The following TTI1 variants were observed in gnomAD, a reference collection of about 807,000 sequenced individuals.
The protein encoded by TTI1 is TELO2 interacting protein 1.
TTI1 carries 52 observed loss-of-function variants against 85.4 expected under a neutral mutation model. The observed-to-expected ratio is 0.61, with a 90% CI of 0.49 to 0.77. The LOEUF (loss-of-function observed/expected upper bound fraction) is 0.77, where lower values mean the gene tolerates loss of function less well. TTI1 is among the 30% of genes least tolerant of loss of function. TTI1 has a pLI of 0.00. For synonymous variants in TTI1, 512 were observed against 503.9 expected (o/e 1.02, Z -0.22); for missense variants, 1,173 against 1,296.0 (o/e 0.91, Z 1.46).
chr20:38,029,478 C>T (rs2122657219), intron 1 of TTI1, among the ~76,000 whole-genome samples: 1 of 151,858 alleles, frequency 6.6e-6, no homozygotes, highest in East Asian at 1.9e-4. Context: ...ACAGAAAACA[C>T]AGAAAGTCAA....
chr20:37,996,687 T>C, intron 6 of TTI1, 62 bp downstream of exon 6: 1 of 1,548,640 alleles, frequency 6.5e-7, no homozygotes, highest in African/African-American at 1.4e-5. Context: ...GCAGAGGGCA[T>C]GATGGCAGGG....
chr20:37,984,157 G>A (rs1600594335), intron 7 of TTI1, among the ~76,000 whole-genome samples: 1 of 152,198 alleles, frequency 6.6e-6, no homozygotes, highest in Non-Finnish European at 1.5e-5. Flanking sequence ...TGAGAGCCAT[G>A]GATACTTGGT....
At position 38,014,060 on chromosome 20, in the gene TTI1, C is replaced by T. The variant is rs549032104; in HGVS notation, c.-41-203G>A. Among the ~76,000 whole-genome samples the T allele has an allele frequency of 1.2e-4, 18 of 152,272 alleles. No homozygotes were observed. The South Asian group carries it at 3.7e-3, about 32-fold the overall frequency. ...CAATAAAGTCTCTTCAGGATTAGGA[C>T]AGGCCTAAGCTTACAGTCCTGAGTG... On this transcript the variant is annotated intron_variant, in intron 1 of 7. Transcript: ENST00000373447.
At chr20:37,996,306 C>G in intron 7 of TTI1, 69 bp downstream of exon 7, 1 of 1,545,560 alleles carries the variant, frequency 6.5e-7, no homozygotes, top group Non-Finnish European at 8.9e-7. Flanking sequence ...CTCAACTCTG[C>G]TTGCCATTAG....
At chr20:38,019,424 G>A (rs560232277) in intron 1 of TTI1, among the ~76,000 whole-genome samples, 17 of 152,218 alleles carry the variant, frequency 1.1e-4, no homozygotes, top group Non-Finnish European at 2.2e-4. Flanking sequence ...GAGGGGGAAG[G>A]AGTTAAGTGT....
rs538729129 is a variant in TTI1, at chr20:37,994,507, C to G, written c.3086+1868G>C. Among the ~76,000 whole-genome samples, 220 of 141,504 alleles carry G rather than the reference C, an allele frequency of 1.6e-3. 1 individual carries two copies. Among genetic ancestry groups the G allele is most frequent in the Non-Finnish European group, 2.6e-3 (169 of 65,454 alleles). The allele number at this position is 141,504 out of a possible 152,430, so 92.8% of individuals were successfully genotyped here. On this transcript the variant is annotated intron_variant, in intron 7 of 7. Transcript: ENST00000373447. ...TCTCTCCATGCGGTAATGAGGCTCA[C>G]AGAGAGACCAGGTTTCCTATTGTCT...
At chr20:37,995,996 TGCCATATCA>T (rs1307075953) in intron 7 of TTI1, among the ~76,000 whole-genome samples, 1 of 152,174 alleles carries the variant, frequency 6.6e-6, no homozygotes, top group Admixed American at 6.5e-5. Context: ...AGTCGACATA[TGCCATATCA>T]GGAACCCAGC....
At chr20:37,988,006 C>T (rs2073214778) in intron 7 of TTI1, among the ~76,000 whole-genome samples, 1 of 152,200 alleles carries the variant, frequency 6.6e-6, no homozygotes, top group African/African-American at 2.4e-5. Flanking sequence ...TAAGTTTTAT[C>T]TCTTCATGGT....
chr20:37,995,159 C>T (rs77027144), intron 7 of TTI1, among the ~76,000 whole-genome samples: 32 of 152,276 alleles, frequency 2.1e-4, no homozygotes, highest in Admixed American at 5.2e-4. Context: ...TGCCTGGGGA[C>T]AGAAGCTGCT....
intron 4 of TTI1, among the ~76,000 whole-genome samples, chr20:38,001,198 T>C (rs2073420970): frequency 6.6e-6 from 1 of 152,216 alleles, no homozygotes; most frequent in South Asian, 2.1e-4. Flanking sequence ...ATTTAGCACA[T>C]GAATGAGTGT....
At position 38,011,569 on chromosome 20, in the gene TTI1, C is replaced by A. The variant is rs375719332; in HGVS notation, c.2248G>T (p.Asp750Tyr). 3.1e-6 allele frequency: 5 copies of A among 1,614,166 alleles called. No homozygotes were observed. The highest frequency in any genetic ancestry group is 4.2e-6 in the Non-Finnish European group (5 of 1,180,024). Residue 750 changes from aspartate to tyrosine, a missense_variant, in exon 2 of 8, where the codon GAT becomes TAT. Coordinates refer to ENST00000373447, the MANE Select transcript of TTI1 (RefSeq NM_001303457.2). ...DVLATLDQFY[D>Y]KRAASFVSVL... The stretch of plus-strand genomic sequence containing the variant: ...CTGACAAAGGAAGCAGCTCTCTTAT[C>A]GTAAAATTGGTCCAGGGTGGCCAAG...
intron 1 of TTI1, among the ~76,000 whole-genome samples, chr20:38,020,882 C>T (rs931177636): frequency 1.6e-4 from 24 of 152,212 alleles, no homozygotes; most frequent in Non-Finnish European, 3.1e-4. Flanking sequence ...CTAAAACTCT[C>T]ATTCAATGCT....
intron 5 of TTI1, among the ~76,000 whole-genome samples, chr20:37,998,701 G>A (rs754063076): frequency 3.3e-5 from 5 of 152,190 alleles, no homozygotes; most frequent in Non-Finnish European, 7.3e-5. Context: ...AGCCCAACAC[G>A]AAAATGGGTG....
At position 38,013,040 on chromosome 20, in the gene TTI1, T is replaced by C. The variant is rs755801896; in HGVS notation, c.777A>G (p.Gln259=). The C allele has an allele frequency of 1.9e-6, 3 of 1,614,052 alleles. No individual in the cohort carries two copies. The highest frequency in any genetic ancestry group is 1.3e-5 in the African/African-American group (1 of 74,940). The change falls in exon 2 of 8, where the codon CAA becomes CAG. Residue 259 remains glutamine (Q), a synonymous_variant. Coordinates refer to ENST00000373447, the MANE Select transcript of TTI1 (RefSeq NM_001303457.2). ...DEQLKRISKV[Q]AKPAVEHRVA... is the part of the protein sequence containing the mutation. Reference sequence around the variant, plus strand: ...CTCTGTGCTCAACTGCAGGTTTTGCTTGGACCTTTGAGATTCTTTTGAGCT... The same window carrying C: ...CTCTGTGCTCAACTGCAGGTTTTGCCTGGACCTTTGAGATTCTTTTGAGCT...
rs768284287 is a variant in TTI1 at position 37,996,941 on chromosome 20, G to A, written c.2806C>T (p.Leu936=). Residue 936 remains leucine (L), a synonymous_variant, in exon 6 of 8, where the codon CTG becomes TTG. Coordinates refer to ENST00000373447, the MANE Select transcript of TTI1 (RefSeq NM_001303457.2). ...VLRAFKVLRT[L]GSKCGDFLRS... ...AGAAAGTCACCACACTTGCTTCCCA[G>A]GGTACGTAAAACCTGCAGAAACAGC... 3.7e-6 allele frequency: 6 copies of A among 1,613,628 alleles called. No individual in the cohort carries two copies. In the African/African-American group the frequency reaches 6.7e-5, roughly 18 times the overall value.
intron 4 of TTI1, among the ~76,000 whole-genome samples, chr20:37,999,549 C>A (rs1040972360): frequency 6.6e-6 from 1 of 152,032 alleles, no homozygotes; most frequent in African/African-American, 2.4e-5. Flanking sequence ...TGGGGAAAGA[C>A]CTTAATTAGA....
chr20:37,999,966 T>C (rs2073397767), intron 4 of TTI1, among the ~76,000 whole-genome samples: 1 of 152,212 alleles, frequency 6.6e-6, no homozygotes, highest in African/African-American at 2.4e-5. Flanking sequence ...TCATTCTGGC[T>C]GCTGAGTGGA....
intron 4 of TTI1, among the ~76,000 whole-genome samples, chr20:38,000,054 G>A (rs1018795772): frequency 2.0e-5 from 3 of 152,220 alleles, no homozygotes; most frequent in Admixed American, 1.3e-4. Flanking sequence ...ATGTGGCCGC[G>A]TGATGGCGGC....
chr20:38,004,817 C>T (rs185205707), intron 3 of TTI1, among the ~76,000 whole-genome samples: 99 of 152,334 alleles, frequency 6.5e-4, no homozygotes, highest in Non-Finnish European at 3.5e-4. Context: ...AAATTTTAAA[C>T]AAGAATGGCA....
Sources: gnomAD v4.1 joint callset for allele counts (sites outside exome capture counted in the v4.1 genomes callset) on GRCh38, gnomAD v4.1.1 for gene constraint, MANE v1.5 for transcripts, NCBI Gene and HGNC (gene_info 2026-07-23, HGNC 2026-07-21) for gene names.